ERN1: variants seen among roughly 807,000 people sequenced by gnomAD.
ERN1 encodes serine/threonine-protein kinase/endoribonuclease IRE1.
Under a neutral mutation model 113.1 loss-of-function variants are expected in ERN1, and 39 were observed. That is an observed-to-expected ratio of 0.34 (90% CI 0.27 to 0.45). ERN1 has a LOEUF of 0.45. ERN1 is among the 20% of genes least tolerant of loss of function. ERN1 has a pLI of 1.00. For synonymous variants in ERN1, 507 were observed against 515.9 expected (o/e 0.98, Z 0.23); for missense variants, 976 against 1,274.8 (o/e 0.77, Z 3.57).
chr17:64,124,428 C>T (rs560238136), intron 1 of ERN1, among the ~76,000 whole-genome samples: 2 of 152,270 alleles, frequency 1.3e-5, no homozygotes, highest in Admixed American at 6.5e-5. Context: ...CCCACTATTC[C>T]CATGTGCTGT....
intron 3 of ERN1, 154 bp downstream of exon 3, chr17:64,080,621 G>A: frequency 1.6e-6 from 1 of 642,956 alleles, no homozygotes; most frequent in South Asian, 2.1e-5. Flanking sequence ...CTCAACACAA[G>A]CTTTCATCAT....
chr17:64,084,704 G>A (rs1913871894), intron 2 of ERN1, among the ~76,000 whole-genome samples: 1 of 152,178 alleles, frequency 6.6e-6, no homozygotes, highest in South Asian at 2.1e-4. Flanking sequence ...ATCTCACTCA[G>A]TGAAGGCCAG....
At position 64,043,753 on chromosome 17, in the gene ERN1, T is replaced by C; in HGVS notation, c.*235A>G. 7.0e-6 allele frequency: 3 copies of C among 426,074 alleles called. No homozygotes were observed. Among genetic ancestry groups the C allele is most frequent in the Non-Finnish European group, 4.2e-6 (1 of 240,898 alleles). The allele number at this position is 426,074 out of a possible 1,614,324, so 26.4% of individuals were successfully genotyped here. On this transcript the variant is annotated 3_prime_UTR_variant, in exon 22 of 22. Transcript: ENST00000433197. Reference sequence around the variant, plus strand: ...CTGAGGCCCTCCTTTGCAGACATCATGACCGTAAGGCTTTTGGGGCCAGCA... The same window carrying C: ...CTGAGGCCCTCCTTTGCAGACATCACGACCGTAAGGCTTTTGGGGCCAGCA...
chr17:64,071,846 T>C, intron 6 of ERN1, 135 bp downstream of exon 6: 1 of 910,514 alleles, frequency 1.1e-6, no homozygotes, highest in Non-Finnish European at 1.7e-6. Flanking sequence ...AAGGGTCTTA[T>C]AAAGGAAAAT....
intron 17 of ERN1, among the ~76,000 whole-genome samples, chr17:64,050,531 G>A (rs573260451): frequency 3.2e-4 from 48 of 152,284 alleles, no homozygotes; most frequent in African/African-American, 9.9e-4. Flanking sequence ...GAGCTGCTGC[G>A]GCATTTGGTG....
chr17:64,101,802 G>C (rs1244134280), intron 1 of ERN1, among the ~76,000 whole-genome samples: 2 of 152,174 alleles, frequency 1.3e-5, no homozygotes, highest in African/African-American at 2.4e-5. Flanking sequence ...AATGAACTAA[G>C]TGCCCCCAAG....
chr17:64,129,444 G>A (rs1915171778), intron 1 of ERN1: 1 of 179,678 alleles, frequency 5.6e-6, no homozygotes, highest in Non-Finnish European at 1.2e-5. Context: ...TCGGGTGAGA[G>A]TCCTTACTCC....
rs1207427754 is a variant in ERN1 at position 64,130,085 on chromosome 17, C to A, written c.-56G>T. The A allele has an allele frequency of 3.0e-6, 4 of 1,311,970 alleles. No individual in the cohort carries two copies. The African/African-American group carries it at 4.6e-5, about 15-fold the overall frequency. 81.3% of individuals were successfully genotyped at this position (1,311,970 alleles called of 1,614,324 possible). A position where few individuals can be genotyped will look rare whatever the true frequency, so the allele number is the denominator to read the frequency against. On this transcript the variant is annotated 5_prime_UTR_variant, in exon 1 of 22. Coordinates refer to ENST00000433197, the MANE Select transcript of ERN1 (RefSeq NM_001433.5). The surrounding 1 kb of genome is among the most constrained non-coding windows in gnomAD (Gnocchi z 4.0). Reference sequence around the variant, plus strand: ...GTACGGACAGAGGACGGGGCGGGGGCGCCGCGACGACAGCGAGGCGGTGAC... The same window carrying A: ...GTACGGACAGAGGACGGGGCGGGGGAGCCGCGACGACAGCGAGGCGGTGAC...
chr17:64,090,695 G>A (rs928762706), intron 2 of ERN1, among the ~76,000 whole-genome samples: 3 of 152,168 alleles, frequency 2.0e-5, no homozygotes, highest in Admixed American at 6.5e-5. Context: ...ACGCTACTAC[G>A]TGTGTGGCAG....
chr17:64,068,983 T>C (rs1042266131), intron 6 of ERN1, among the ~76,000 whole-genome samples: 2 of 152,172 alleles, frequency 1.3e-5, no homozygotes, highest in Non-Finnish European at 2.9e-5. Flanking sequence ...TTCAGCAGAA[T>C]ACAGAGGAAC....
chr17:64,119,376 GTTTTT>G (rs3044073), intron 1 of ERN1, among the ~76,000 whole-genome samples: 1 of 77,896 alleles, frequency 1.3e-5, no homozygotes, highest in African/African-American at 5.6e-5. Flanking sequence ...TTTTTTCTAG[GTTTTT>G]TTTTTTTTTT....
chr17:64,087,650 T>C (rs1391163076), intron 2 of ERN1, among the ~76,000 whole-genome samples: 1 of 152,232 alleles, frequency 6.6e-6, no homozygotes. Flanking sequence ...GGTTTCATGA[T>C]ACTACTCTTC....
In ERN1 at chr17:64,044,208, GAGT is replaced by G. The variant is rs763152953; in HGVS notation, c.2722-11_2722-9del. 1.3e-6 allele frequency: 2 copies of G among 1,510,132 alleles called. No homozygotes were observed. The highest frequency in any genetic ancestry group is 1.4e-5 in the African/African-American group (1 of 71,638). The allele number at this position is 1,510,132 out of a possible 1,614,324, so 93.5% of individuals were successfully genotyped here. ...CTCCCGGTAGTGGTGCTTCTGCAAA[GAGT>G]TAGAAAGCTCGGGAGATTAGAAAGG... On this transcript the variant is annotated splice_polypyrimidine_tract_variant and intron_variant, in intron 21 of 21. Transcript: ENST00000433197. The surrounding 1 kb of genome is among the most constrained non-coding windows in gnomAD (Gnocchi z 4.1).
At chr17:64,124,987 G>C (rs1709001879) in intron 1 of ERN1, among the ~76,000 whole-genome samples, 1 of 152,188 alleles carries the variant, frequency 6.6e-6, no homozygotes, top group Admixed American at 6.5e-5. Flanking sequence ...GGGAAACGGT[G>C]TGTAACAGCT....
intron 4 of ERN1, among the ~76,000 whole-genome samples, chr17:64,075,564 C>T (rs1913566805): frequency 6.6e-6 from 1 of 152,178 alleles, no homozygotes; most frequent in African/African-American, 2.4e-5. Flanking sequence ...TCCCAAGTAG[C>T]TGGGATTACA....
At position 64,039,505 on chromosome 17, in the gene ERN1, C is replaced by T. The variant is rs1236219541; in HGVS notation, c.*4483G>A. 6.6e-6 allele frequency: 1 copy of T among 152,162 alleles called. No individual in the cohort carries two copies. Among genetic ancestry groups the T allele is most frequent in the Non-Finnish European group, 1.5e-5 (1 of 68,036 alleles). The allele number at this position is 152,162 out of a possible 1,614,324, so 9.4% of individuals were successfully genotyped here. On this transcript the variant is annotated 3_prime_UTR_variant, in exon 22 of 22. Transcript: ENST00000433197. ...CTTTAATAATAAGACTACTGTAAAG[C>T]ATCCATCCCATGGAAGGATACAGTA...
At chr17:64,050,161 A>C (rs1003462569) in intron 17 of ERN1, among the ~76,000 whole-genome samples, 3 of 152,304 alleles carry the variant, frequency 2.0e-5, no homozygotes, top group African/African-American at 7.2e-5. Flanking sequence ...CAGGTCTTCC[A>C]ATCTCCAAAC....
chr17:64,088,232 G>A (rs1216528315), intron 2 of ERN1, among the ~76,000 whole-genome samples: 1 of 152,102 alleles, frequency 6.6e-6, no homozygotes, highest in Non-Finnish European at 1.5e-5. Context: ...TTGGACTCTA[G>A]ATGACCTCTG....
chr17:64,069,994 T>C (rs1412761290), intron 6 of ERN1, among the ~76,000 whole-genome samples: 1 of 152,140 alleles, frequency 6.6e-6, no homozygotes, highest in African/African-American at 2.4e-5. Context: ...ACTCTTCCCA[T>C]CAAGAAGCCG....
Sources: allele counts gnomAD v4.1 joint callset (sites outside exome capture counted in the v4.1 genomes callset), GRCh38; gene constraint gnomAD v4.1.1; non-coding constraint Gnocchi (gnomAD v3.1); transcripts MANE v1.5; gene names NCBI Gene and HGNC (gene_info 2026-07-23, HGNC 2026-07-21).